KDM5B: variants seen among roughly 807,000 people sequenced by gnomAD.
KDM5B encodes the protein lysine demethylase 5B, also known as lysine-specific demethylase 5B.
KDM5B carries 144 observed loss-of-function variants against 193.4 expected under a neutral mutation model. That is an observed-to-expected ratio of 0.74 (90% confidence interval 0.65 to 0.86). KDM5B has a LOEUF of 0.86. KDM5B is among the 40% of genes least tolerant of loss of function. The probability of loss-of-function intolerance (pLI) is 0.00; values close to 1 mark genes in which losing one functional copy is unlikely to be tolerated. For missense variants in KDM5B, 1,833 were observed against 1,886.9 expected, an observed-to-expected ratio of 0.97 and a Z score of 0.53; for synonymous variants, 668 against 682.6, an observed-to-expected ratio of 0.98 and a Z score of 0.33.
At chr1:202,790,676 C>T (rs11805497) in intron 1 of KDM5B, among the ~76,000 whole-genome samples, 1 of 152,028 alleles carries the variant, frequency 6.6e-6, no homozygotes, top group Non-Finnish European at 1.5e-5. Flanking sequence ...GCCGAGACTG[C>T]ACCACTGAAC....
At position 202,724,709 on chromosome 1, in the gene KDM5B, T is replaced by G. The variant is rs1654617099; in HGVS notation, c.*4327A>C. On this transcript the variant is annotated 3_prime_UTR_variant, in exon 27 of 27. Coordinates refer to ENST00000367265, the MANE Select transcript of KDM5B (RefSeq NM_006618.5). The stretch of plus-strand genomic sequence containing the variant: ...CTTTTTTATTAACTGTTGAACTACT[T>G]GTCCTGATCATACACAGAAGGGGCT... The G allele has an allele frequency of 6.6e-6, 1 of 151,040 alleles. No homozygotes were observed. 9.4% of individuals were successfully genotyped at this position (151,040 alleles called of 1,614,324 possible).
Position 202,741,358 on chromosome 1 carries a change from C to G in KDM5B, c.2945+9G>C. 1 of 1,515,214 alleles carries G rather than the reference C, an allele frequency of 6.6e-7. No homozygotes were observed. Among genetic ancestry groups the G allele is most frequent in the Non-Finnish European group, 8.8e-7 (1 of 1,132,182 alleles). The allele number at this position is 1,515,214 out of a possible 1,614,324, so 93.9% of individuals were successfully genotyped here. On this transcript the variant is annotated intron_variant, in intron 19 of 26. Transcript: ENST00000367265. Reference sequence around the variant, plus strand: ...ACCTTCCCAAAGAAAGAGAAGTCTGCTTTTTCACCTGGCCTTGAGGAGACT... The same window carrying G: ...ACCTTCCCAAAGAAAGAGAAGTCTGGTTTTTCACCTGGCCTTGAGGAGACT...
intron 11 of KDM5B, among the ~76,000 whole-genome samples, chr1:202,754,965 G>A (rs1331224295): frequency 1.3e-5 from 2 of 152,186 alleles, no homozygotes; most frequent in African/African-American, 2.4e-5. Context: ...GATTACAGGC[G>A]TGAGCCACTG....
intron 12 of KDM5B, 59 bp from the exon 13 acceptor site, chr1:202,750,837 G>GT: frequency 6.5e-7 from 1 of 1,527,246 alleles, no homozygotes; most frequent in African/African-American, 1.4e-5. Context: ...TGTTACTAAA[G>GT]ACAATCTGGA....
rs367950955 is a variant in KDM5B at position 202,807,558 on chromosome 1, G to A, written c.204+544C>T. Among the ~76,000 whole-genome samples, 40 of 152,074 alleles carry A rather than the reference G, an allele frequency of 2.6e-4. No homozygotes were observed. The East Asian group carries it at 5.5e-3, about 21-fold the overall frequency. On this transcript the variant is annotated intron_variant, in intron 1 of 26. Coordinates refer to ENST00000367265, the MANE Select transcript of KDM5B (RefSeq NM_006618.5). ...GGGGCGCCCAGGTGAGGGCCGCTCCGGGCCGACGCCGCCACCACACAAAGG... is the reference window on the plus strand; with the variant it reads ...GGGGCGCCCAGGTGAGGGCCGCTCCAGGCCGACGCCGCCACCACACAAAGG...
At chr1:202,792,638 A>G (rs1392881204) in intron 1 of KDM5B, among the ~76,000 whole-genome samples, 1 of 152,206 alleles carries the variant, frequency 6.6e-6, no homozygotes, top group African/African-American at 2.4e-5. Flanking sequence ...CATGCAGCTT[A>G]CTATTGTTAT....
chr1:202,767,881 A>T (rs1373643250), intron 4 of KDM5B, among the ~76,000 whole-genome samples: 1 of 152,142 alleles, frequency 6.6e-6, no homozygotes, highest in Non-Finnish European at 1.5e-5. Flanking sequence ...CTCCCAAAAC[A>T]ATTTTCCATA....
At chr1:202,792,856 G>A (rs560077137) in intron 1 of KDM5B, among the ~76,000 whole-genome samples, 1 of 152,220 alleles carries the variant, frequency 6.6e-6, no homozygotes, top group South Asian at 2.1e-4. Flanking sequence ...AATTAGCCGG[G>A]CATGGTGGTG....
At chr1:202,742,107 C>T (rs932693648) in intron 18 of KDM5B, among the ~76,000 whole-genome samples, 5 of 152,012 alleles carry the variant, frequency 3.3e-5, no homozygotes, top group Admixed American at 6.5e-5. Context: ...AACTCCTGAC[C>T]TCATGATCCA....
At chr1:202,771,016 GTA>G (rs1656689484) in intron 4 of KDM5B, among the ~76,000 whole-genome samples, 1 of 152,040 alleles carries the variant, frequency 6.6e-6, no homozygotes, top group Non-Finnish European at 1.5e-5. Context: ...GCCTTTTTAA[GTA>G]TATAAGTGAC....
chr1:202,807,505 G>A (rs1477771430), intron 1 of KDM5B, among the ~76,000 whole-genome samples: 2 of 151,924 alleles, frequency 1.3e-5, no homozygotes, highest in Non-Finnish European at 2.9e-5. Flanking sequence ...GGGACCAGGC[G>A]GTGGAGGGGT....
intron 1 of KDM5B, among the ~76,000 whole-genome samples, chr1:202,802,172 G>C (rs1658101720): frequency 6.6e-6 from 1 of 152,076 alleles, no homozygotes; most frequent in Admixed American, 6.5e-5. Flanking sequence ...TACACGCATA[G>C]GCTTCAAAAA....
intron 3 of KDM5B, among the ~76,000 whole-genome samples, chr1:202,773,916 T>C (rs545166588): frequency 3.1e-4 from 47 of 152,146 alleles, no homozygotes; most frequent in Non-Finnish European, 6.3e-4. Flanking sequence ...TTTGTATTTT[T>C]AGTAGAGACG....
rs186500878 is a variant in KDM5B, at chr1:202,724,585, C to T, written c.*4451G>A. 14 of 152,314 alleles carry T rather than the reference C, an allele frequency of 9.2e-5. No homozygotes were observed. The East Asian group carries it at 1.9e-3, about 21-fold the overall frequency. 9.4% of individuals were successfully genotyped at this position (152,314 alleles called of 1,614,324 possible). On this transcript the variant is annotated 3_prime_UTR_variant, in exon 27 of 27. Transcript: ENST00000367265. ...ATTATGGCTATTATGAATGAAGGCCCTCATCCCCAAACTAATTTTTCTCAA... is the reference window on the plus strand; with the variant it reads ...ATTATGGCTATTATGAATGAAGGCCTTCATCCCCAAACTAATTTTTCTCAA...
At chr1:202,737,848 A>G (rs574588846) in intron 20 of KDM5B, among the ~76,000 whole-genome samples, 1 of 152,210 alleles carries the variant, frequency 6.6e-6, no homozygotes, top group Non-Finnish European at 1.5e-5. Flanking sequence ...GGTTAGACAA[A>G]CAGCCATAAG....
intron 7 of KDM5B, among the ~76,000 whole-genome samples, chr1:202,762,389 G>A (rs550355247): frequency 6.6e-6 from 1 of 152,294 alleles, no homozygotes; most frequent in East Asian, 1.9e-4. Context: ...TGATTTATGA[G>A]CAATTCTATG....
In KDM5B at chr1:202,750,722, G is replaced by A; in HGVS notation, c.1758C>T (p.Tyr586=). Residue 586 remains tyrosine, a synonymous_variant, in exon 13 of 27, where the codon TAC becomes TAT. Transcript: ENST00000367265. ...GEFVITFPRA[Y]HSGFNQGFNF... The stretch of plus-strand genomic sequence containing the variant: ...TAAAACCCTGGTTAAAACCACTGTG[G>A]TAGGCTCTTGGAAATGTAATCACAA... 2 of 1,613,760 alleles carry A rather than the reference G, an allele frequency of 1.2e-6. No individual in the cohort carries two copies. Among genetic ancestry groups the A allele is most frequent in the Non-Finnish European group, 1.7e-6 (2 of 1,179,702 alleles).
At chr1:202,796,950 C>G (rs1464545830) in intron 1 of KDM5B, 1 of 152,426 alleles carries the variant, frequency 6.6e-6, no homozygotes, top group Non-Finnish European at 1.5e-5. Flanking sequence ...AGAGGTGGAT[C>G]TGTGCCAAGT....
At chr1:202,795,605 C>T (rs1190536987) in intron 1 of KDM5B, among the ~76,000 whole-genome samples, 1 of 151,112 alleles carries the variant, frequency 6.6e-6, no homozygotes. Flanking sequence ...GAGCTGAGAT[C>T]GCACCATTGC....
Sources: gnomAD v4.1 joint callset for allele counts (sites outside exome capture counted in the v4.1 genomes callset) on GRCh38, gnomAD v4.1.1 for gene constraint, MANE v1.5 for transcripts, NCBI Gene and HGNC (gene_info 2026-07-23, HGNC 2026-07-21) for gene names.